CPSF2: variants seen among roughly 807,000 people sequenced by gnomAD.
CPSF2 encodes the protein cleavage and polyadenylation specific factor 2, also known as cleavage and polyadenylation specificity factor subunit 2.
A neutral mutation model predicts 84.2 loss-of-function variants in CPSF2; 51 were observed. The observed-to-expected ratio is 0.61, with a 90% CI of 0.48 to 0.77. The LOEUF (loss-of-function observed/expected upper bound fraction) is 0.77. Ranked by LOEUF, CPSF2 falls within the 30% of genes least tolerant of loss-of-function variation. CPSF2 has a pLI of 0.00. For synonymous variants in CPSF2, 286 were observed against 311.9 expected (o/e 0.92, Z 0.87); for missense variants, 641 against 929.4 (o/e 0.69, Z 4.03).
At chr14:92,137,279 G>A (rs561321138) in intron 6 of CPSF2, among the ~76,000 whole-genome samples, 1 of 151,924 alleles carries the variant, frequency 6.6e-6, no homozygotes, top group Admixed American at 6.6e-5. Flanking sequence ...GCACAATCAC[G>A]GCTCACTGTA....
Position 92,170,364 on chromosome 14 carries a change from T to C in CPSF2, c.*8620T>C, listed in dbSNP as rs1441930019. 6.6e-6 allele frequency: 1 copy of C among 152,164 alleles called. No homozygotes were observed. Among genetic ancestry groups the C allele is most frequent in the Non-Finnish European group, 1.5e-5 (1 of 68,026 alleles). The allele number at this position is 152,164 out of a possible 1,614,324, so 9.4% of individuals were successfully genotyped here. On this transcript the variant is annotated 3_prime_UTR_variant, in exon 16 of 16. Transcript: ENST00000298875. ...TGAACTGTTTGTTACTAAGTTGCAA[T>C]TGTGATGTCCCATTAGTACTAAATA...
At chr14:92,141,619 C>T (rs1458298344) in intron 7 of CPSF2, among the ~76,000 whole-genome samples, 2 of 152,094 alleles carry the variant, frequency 1.3e-5, no homozygotes, top group Admixed American at 1.3e-4. Flanking sequence ...TGAGCCATTG[C>T]GCCTGGCCAC....
At chr14:92,131,435 T>C (rs1486670928) in intron 3 of CPSF2, among the ~76,000 whole-genome samples, 1 of 152,238 alleles carries the variant, frequency 6.6e-6, no homozygotes, top group Non-Finnish European at 1.5e-5. Flanking sequence ...ACATTTTCCA[T>C]GTGAAAGTTC....
intron 3 of CPSF2, 134 bp downstream of exon 3, chr14:92,131,267 A>C: frequency 1.6e-6 from 1 of 621,914 alleles, no homozygotes; most frequent in Non-Finnish European, 2.6e-6. Flanking sequence ...ACTTATGCCA[A>C]AAACCTATAG....
rs1567029120 is a variant in CPSF2 at position 92,163,726 on chromosome 14, T to C, written c.*1982T>C. 1 of 152,344 alleles carries C rather than the reference T, an allele frequency of 6.6e-6. No individual in the cohort carries two copies. Among genetic ancestry groups the C allele is most frequent in the South Asian group, 2.1e-4 (1 of 4,818 alleles). 9.4% of individuals were successfully genotyped at this position (152,344 alleles called of 1,614,324 possible). A position where few individuals can be genotyped will look rare whatever the true frequency, so the allele number is the denominator to read the frequency against. On this transcript the variant is annotated 3_prime_UTR_variant, in exon 16 of 16. Coordinates refer to ENST00000298875, the MANE Select transcript of CPSF2 (RefSeq NM_017437.3). ...ATGAGATCTGATGGGTGTTTTTTTT[T>C]GTTTTGTTTTTTGTTTTTTGAGATG...
intron 6 of CPSF2, among the ~76,000 whole-genome samples, chr14:92,137,877 T>C (rs2069020610): frequency 6.6e-6 from 1 of 152,162 alleles, no homozygotes; most frequent in African/African-American, 2.4e-5. Flanking sequence ...CGTATAGGAA[T>C]GTATATGGGA....
At chr14:92,132,596 AC>A (rs1229743153) in intron 3 of CPSF2, among the ~76,000 whole-genome samples, 3 of 147,858 alleles carry the variant, frequency 2.0e-5, no homozygotes, top group Non-Finnish European at 4.5e-5. Context: ...AGATGGTGAA[AC>A]CCCATCTCTA....
In CPSF2 at chr14:92,136,940, A is replaced by T. The variant is rs372827184; in HGVS notation, c.546-1292A>T. Among the ~76,000 whole-genome samples, 22 of 152,298 alleles carry T rather than the reference A, an allele frequency of 1.4e-4. 2 individuals are homozygous for T. Among genetic ancestry groups the T allele is most frequent in the African/African-American group, 4.8e-4 (20 of 41,570 alleles). ...CTGATTTGGAAAAGACTTTGTAAGC[A>T]TAAAAATAATGAACCAAGTTACAAA... On this transcript the variant is annotated intron_variant, in intron 6 of 15. Coordinates refer to ENST00000298875, the MANE Select transcript of CPSF2 (RefSeq NM_017437.3).
In CPSF2 at chr14:92,142,327, T is replaced by C. The variant is rs1404010009; in HGVS notation, c.825T>C (p.Asn275=). Residue 275 remains asparagine (N), a synonymous_variant, in exon 8 of 16, where the codon AAT becomes AAC. Transcript: ENST00000298875. ...SLALLNNVSY[N]VVEFSKSQVE... ...CACTCCTAAATAATGTCAGTTACAATGTGGTGGAGTTTTCTAAGTCCCAGG... is the reference window on the plus strand; with the variant it reads ...CACTCCTAAATAATGTCAGTTACAACGTGGTGGAGTTTTCTAAGTCCCAGG... 5 of 1,612,394 alleles carry C rather than the reference T, an allele frequency of 3.1e-6. No individual in the cohort carries two copies. The highest frequency in any genetic ancestry group is 1.1e-5 in the South Asian group (1 of 90,912).
chr14:92,141,076 A>G (rs1392017988), intron 7 of CPSF2, among the ~76,000 whole-genome samples: 3 of 152,200 alleles, frequency 2.0e-5, no homozygotes, highest in African/African-American at 7.2e-5. Context: ...ATTTTATTCT[A>G]TAGGCATACA....
chr14:92,139,950 ATTT>A (rs34354391), intron 7 of CPSF2, among the ~76,000 whole-genome samples: 2 of 97,630 alleles, frequency 2.0e-5, no homozygotes. Flanking sequence ...AAGTACAACT[ATTT>A]TTTTTTTTTT....
chr14:92,152,444 T>C (rs938838608), intron 9 of CPSF2, among the ~76,000 whole-genome samples: 24 of 151,340 alleles, frequency 1.6e-4, no homozygotes, highest in Admixed American at 5.3e-4. Flanking sequence ...TTATTATTAA[T>C]TTATTTATTT....
chr14:92,142,601 C>T (rs1039051596), intron 8 of CPSF2, among the ~76,000 whole-genome samples: 6 of 152,168 alleles, frequency 3.9e-5, no homozygotes, highest in Admixed American at 2.6e-4. Context: ...TCCCTTCTAA[C>T]TCTTAGTATC....
At chr14:92,149,261 T>TA (rs975991101) in intron 9 of CPSF2, among the ~76,000 whole-genome samples, 49 of 148,568 alleles carry the variant, frequency 3.3e-4, no homozygotes, top group African/African-American at 4.9e-4. Context: ...TACACGTCAT[T>TA]AAAAAAAAAA....
chr14:92,148,309 T>A (rs1595061510), intron 9 of CPSF2, among the ~76,000 whole-genome samples: 1 of 152,282 alleles, frequency 6.6e-6, no homozygotes, highest in East Asian at 1.9e-4. Context: ...TCTGAACCAT[T>A]TGAAGAAAAA....
chr14:92,171,660 G>A lies in CPSF2; in HGVS notation c.*9916G>A, dbSNP rs1024138233. On this transcript the variant is annotated 3_prime_UTR_variant, in exon 16 of 16. Coordinates refer to ENST00000298875, the MANE Select transcript of CPSF2 (RefSeq NM_017437.3). ...GGCTGTGCTCATTGCCCCTGTGCTA[G>A]CATTGCCACTGTGCGTTCTCCCAGT... The A allele has an allele frequency of 1.3e-5, 2 of 152,106 alleles. No homozygotes were observed. Among genetic ancestry groups the A allele is most frequent in the Non-Finnish European group, 2.9e-5 (2 of 68,040 alleles). 9.4% of individuals were successfully genotyped at this position (152,106 alleles called of 1,614,324 possible).
rs963776789 is a variant in CPSF2, at chr14:92,164,828, G to A, written c.*3084G>A. 7 of 152,072 alleles carry A rather than the reference G, an allele frequency of 4.6e-5. No homozygotes were observed. The highest frequency in any genetic ancestry group is 2.1e-4 in the South Asian group (1 of 4,818). The allele number at this position is 152,072 out of a possible 1,614,324, so 9.4% of individuals were successfully genotyped here. The stretch of plus-strand genomic sequence containing the variant: ...CTCTTCTAAAGTGTACAATTCATTG[G>A]TGTTAGTATATTTACAGAGTTGTAC... On this transcript the variant is annotated 3_prime_UTR_variant, in exon 16 of 16. Coordinates refer to ENST00000298875, the MANE Select transcript of CPSF2 (RefSeq NM_017437.3).
chr14:92,129,525 A>G (rs2068887951), intron 2 of CPSF2, among the ~76,000 whole-genome samples: 1 of 152,144 alleles, frequency 6.6e-6, no homozygotes, highest in African/African-American at 2.4e-5. Flanking sequence ...AGTAGTGGTA[A>G]GAAATTATTA....
rs2069454560 is a variant in CPSF2 at position 92,166,904 on chromosome 14, G to A, written c.*5160G>A. The A allele has an allele frequency of 6.6e-6, 1 of 151,962 alleles. No individual in the cohort carries two copies. The highest frequency in any genetic ancestry group is 2.4e-5 in the African/African-American group (1 of 41,352). 9.4% of individuals were successfully genotyped at this position (151,962 alleles called of 1,614,324 possible). On this transcript the variant is annotated 3_prime_UTR_variant, in exon 16 of 16. Transcript: ENST00000298875. ...AGCTTTGTAGTAACTTTTGAAATTG[G>A]GGAAGTGTGAGTTCCCCAACTTTAG...
Sources: gnomAD v4.1 joint callset for allele counts (sites outside exome capture counted in the v4.1 genomes callset) on GRCh38, gnomAD v4.1.1 for gene constraint, MANE v1.5 for transcripts, NCBI Gene and HGNC (gene_info 2026-07-23, HGNC 2026-07-21) for gene names.